SMAD1: variants seen among roughly 807,000 people sequenced by gnomAD.
SMAD1 encodes MAD, mothers against decapentaplegic homolog 1.
A neutral mutation model predicts 41.6 loss-of-function variants in SMAD1; 6 were observed. That is an observed-to-expected ratio of 0.14 (90% CI 0.08 to 0.28). The LOEUF (loss-of-function observed/expected upper bound fraction) is 0.28, where lower values mean the gene tolerates loss of function less well. SMAD1 is among the 10% of genes least tolerant of loss of function. The pLI, the probability that SMAD1 is intolerant of heterozygous loss-of-function variation, is 1.00. For synonymous variants in SMAD1, 206 were observed against 203.2 expected, an observed-to-expected ratio of 1.01 and a Z score of -0.12; for missense variants, 379 against 582.6, an observed-to-expected ratio of 0.65 and a Z score of 3.60.
At chr4:145,484,015 G>A (rs1293744129) in intron 1 of SMAD1, among the ~76,000 whole-genome samples, 1 of 152,110 alleles carries the variant, frequency 6.6e-6, no homozygotes, top group Non-Finnish European at 1.5e-5. Flanking sequence ...GCATTAAGAG[G>A]AAGTTGTCAC....
At chr4:145,557,659 CA>C (rs1732916918) in intron 6 of SMAD1, 131 bp from the exon 7 acceptor site, 4 of 621,212 alleles carry the variant, frequency 6.4e-6, no homozygotes, top group South Asian at 3.9e-5. Context: ...TTTTTCTCCC[CA>C]GGGGCGGGGG....
In SMAD1 at chr4:145,514,618, A is replaced by G. The variant is rs1466114055; in HGVS notation, c.5A>G (p.Asn2Ser). 6.2e-7 allele frequency: 1 copy of G among 1,600,900 alleles called. No homozygotes were observed. The highest frequency in any genetic ancestry group is 8.5e-7 in the Non-Finnish European group (1 of 1,175,022). M[N>S]VTSLFSFTSP... is the part of the protein sequence containing the mutation. ...AGTATAACTAGTGCTGTCATTATGA[A>G]TGTGACAAGTTTATTTTCCTTTACA... Residue 2 changes from asparagine to serine, a missense_variant, in exon 2 of 7, where the codon AAT becomes AGT. This residue lies in a region of SMAD1 where 64 missense variants were observed against 153.9 expected (regional missense o/e 0.42). Coordinates refer to ENST00000302085, the MANE Select transcript of SMAD1 (RefSeq NM_005900.3). The surrounding 1 kb of genome is among the most constrained non-coding windows in gnomAD (Gnocchi z 4.7).
At position 145,542,506 on chromosome 4, in the gene SMAD1, G is replaced by A. The variant is rs1731999189; in HGVS notation, c.659-76G>A. On this transcript the variant is annotated intron_variant, in intron 3 of 6. Transcript: ENST00000302085. ...ACAACTTGATCTCTTGAGAATTTCA[G>A]TACAGAAGAGGATACGTGTTTTGAG... The A allele has an allele frequency of 3.7e-6, 3 of 809,532 alleles. No individual in the cohort carries two copies. In the Admixed American group the frequency reaches 7.8e-5, roughly 21 times the overall value. The allele number at this position is 809,532 out of a possible 1,614,324, so 50.1% of individuals were successfully genotyped here.
At chr4:145,546,636 A>G in intron 4 of SMAD1, 67 bp from the exon 5 acceptor site, 1 of 1,111,272 alleles carries the variant, frequency 9.0e-7, no homozygotes, top group Non-Finnish European at 1.4e-6. Context: ...CAATTCAACA[A>G]CACGGTTTCA....
chr4:145,549,119 G>C (rs1007576879), intron 5 of SMAD1, among the ~76,000 whole-genome samples: 3 of 152,160 alleles, frequency 2.0e-5, no homozygotes, highest in African/African-American at 7.2e-5. Flanking sequence ...CAAAGGTATG[G>C]AAATGTTCCA....
At position 145,492,914 on chromosome 4, in the gene SMAD1, T is replaced by C. The variant is rs896987330; in HGVS notation, c.-177+10876T>C. Among the ~76,000 whole-genome samples the C allele has an allele frequency of 2.0e-5, 3 of 152,232 alleles. No individual in the cohort carries two copies. The East Asian group carries it at 5.8e-4, about 29-fold the overall frequency. ...CATAAGGGGATGAGTCTGCTGGTTATTGGTAGGATCCTTACCTAACTGAAT... is the reference window on the plus strand; with the variant it reads ...CATAAGGGGATGAGTCTGCTGGTTACTGGTAGGATCCTTACCTAACTGAAT... On this transcript the variant is annotated intron_variant, in intron 1 of 6. Transcript: ENST00000302085.
intron 6 of SMAD1, 145 bp from the exon 7 acceptor site, chr4:145,557,646 G>A (rs1442757375): frequency 3.6e-6 from 2 of 554,958 alleles, no homozygotes; most frequent in East Asian, 5.7e-5. Context: ...GTGCATGTGT[G>A]TTTTTTTCTC....
At chr4:145,485,254 C>T (rs1054796715) in intron 1 of SMAD1, among the ~76,000 whole-genome samples, 2 of 152,002 alleles carry the variant, frequency 1.3e-5, no homozygotes, top group African/African-American at 4.8e-5. Flanking sequence ...TTTTGTATTT[C>T]TTGTAGAGAC....
intron 1 of SMAD1, among the ~76,000 whole-genome samples, chr4:145,487,516 C>A (rs1183518077): frequency 6.6e-6 from 1 of 152,144 alleles, no homozygotes; most frequent in African/African-American, 2.4e-5. Flanking sequence ...AACCTCTTGA[C>A]CCTTTATTTT....
intron 2 of SMAD1, among the ~76,000 whole-genome samples, chr4:145,520,579 T>A (rs1730685390): frequency 6.6e-6 from 1 of 152,244 alleles, no homozygotes; most frequent in Admixed American, 6.5e-5. Context: ...GCATTTTTAA[T>A]TTTGCATGTT....
rs1010708435 is a variant in SMAD1 at position 145,557,780 on chromosome 4, G to GT, written c.1255-6dup. 1.9e-6 allele frequency: 3 copies of GT among 1,598,034 alleles called. No individual in the cohort carries two copies. Among genetic ancestry groups the GT allele is most frequent in the African/African-American group, 1.3e-5 (1 of 74,408 alleles). ...AAACAAGTTAAATGACCTCCAGTATGTTTTTCCTAGGGCTGGGGAGCAGAA... is the reference window on the plus strand; with the variant it reads ...AAACAAGTTAAATGACCTCCAGTATGTTTTTTCCTAGGGCTGGGGAGCAGAA... On this transcript the variant is annotated splice_polypyrimidine_tract_variant and intron_variant, in intron 6 of 6. Coordinates refer to ENST00000302085, the MANE Select transcript of SMAD1 (RefSeq NM_005900.3).
rs1391587553 is a variant in SMAD1, at chr4:145,559,056, T to C, written c.*1122T>C. ...ACTATGTTTGGTTTTATTTTCCTTC[T>C]GTTAATCTTTTGTATTCACTTATGC... is the stretch of plus-strand genomic sequence containing the variant. On this transcript the variant is annotated 3_prime_UTR_variant, in exon 7 of 7. Coordinates refer to ENST00000302085, the MANE Select transcript of SMAD1 (RefSeq NM_005900.3). Among the ~76,000 whole-genome samples the C allele has an allele frequency of 1.3e-5, 2 of 152,244 alleles. No homozygotes were observed. The highest frequency in any genetic ancestry group is 6.5e-5 in the Admixed American group (1 of 15,288).
chr4:145,483,963 C>A (rs903004741), intron 1 of SMAD1, among the ~76,000 whole-genome samples: 1 of 152,192 alleles, frequency 6.6e-6, no homozygotes, highest in Non-Finnish European at 1.5e-5. Context: ...TGGCCTCTTA[C>A]ACTTCTTGGA....
intron 1 of SMAD1, among the ~76,000 whole-genome samples, chr4:145,506,087 CT>C (rs1237226323): frequency 6.6e-6 from 1 of 152,084 alleles, no homozygotes; most frequent in African/African-American, 2.4e-5. Context: ...GTGATCCCCC[CT>C]CCTCGGTCTC....
At chr4:145,495,333 C>A (rs1729012632) in intron 1 of SMAD1, among the ~76,000 whole-genome samples, 2 of 152,246 alleles carry the variant, frequency 1.3e-5, no homozygotes, top group Admixed American at 1.3e-4. Flanking sequence ...CTTTCCTTAC[C>A]CCTTACCACA....
At position 145,514,329 on chromosome 4, in the gene SMAD1, T is replaced by C. The variant is rs550851536; in HGVS notation, c.-176-109T>C. 8 of 292,892 alleles carry C rather than the reference T, an allele frequency of 2.7e-5. No individual in the cohort carries two copies. Among genetic ancestry groups the C allele is most frequent in the African/African-American group, 1.7e-4 (8 of 45,964 alleles). The allele number at this position is 292,892 out of a possible 1,614,324, so 18.1% of individuals were successfully genotyped here. On this transcript the variant is annotated intron_variant, in intron 1 of 6. Transcript: ENST00000302085. This position sits in a 1 kb window ranked among gnomAD's most constrained non-coding sequence, Gnocchi z 4.7. ...AGGGGTCACAATTCAGTCCACAGCA[T>C]ACTGTATTACATAAAAGCACTTAAA...
chr4:145,526,398 C>T (rs1731020118), intron 2 of SMAD1, among the ~76,000 whole-genome samples: 1 of 152,272 alleles, frequency 6.6e-6, no homozygotes, highest in African/African-American at 2.4e-5. Flanking sequence ...AAAGTTTACC[C>T]AGGGTATGGT....
intron 2 of SMAD1, 39 bp downstream of exon 2, chr4:145,515,052 C>T (rs1360555258): frequency 6.5e-7 from 1 of 1,539,336 alleles, no homozygotes; most frequent in South Asian, 1.2e-5. Context: ...TTTGTGTGCC[C>T]AGTACCAGAT....
At chr4:145,548,972 C>G (rs985589758) in intron 5 of SMAD1, among the ~76,000 whole-genome samples, 9 of 152,168 alleles carry the variant, frequency 5.9e-5, no homozygotes, top group Non-Finnish European at 1.0e-4. Flanking sequence ...ATAACATCAC[C>G]TACGCAGGAT....
Sources: allele counts gnomAD v4.1 joint callset (sites outside exome capture counted in the v4.1 genomes callset), GRCh38; gene constraint gnomAD v4.1.1; regional missense constraint gnomAD v4.1.1; non-coding constraint Gnocchi (gnomAD v3.1); transcripts MANE v1.5; gene names NCBI Gene and HGNC (gene_info 2026-07-23, HGNC 2026-07-21).